The following FCHSD2 variants were observed in gnomAD, a reference collection of about 807,000 sequenced individuals.
FCHSD2 encodes the protein FCH and double SH3 domains 2, also known as F-BAR and double SH3 domains protein 2.
In FCHSD2, 38 loss-of-function variants were observed where a neutral mutation model predicts 108.1. The ratio of observed to expected loss-of-function variants is 0.35; its 90% CI spans 0.27 to 0.46. FCHSD2 has a LOEUF of 0.46. Ranked by LOEUF, FCHSD2 falls within the 20% of genes least tolerant of loss-of-function variation. FCHSD2 has a pLI of 1.00. For synonymous variants in FCHSD2, 279 were observed against 314.7 expected (o/e 0.89, Z 1.20); for missense variants, 751 against 897.8 (o/e 0.84, Z 2.09).
chr11:73,018,165 T>A (rs1285628727), intron 3 of FCHSD2, among the ~76,000 whole-genome samples: 1 of 152,218 alleles, frequency 6.6e-6, no homozygotes, highest in Non-Finnish European at 1.5e-5. Flanking sequence ...CCCCTCCAAG[T>A]TGGCTCCCAT....
chr11:73,092,309 G>T (rs1565406237), intron 2 of FCHSD2, among the ~76,000 whole-genome samples: 1 of 144,296 alleles, frequency 6.9e-6, no homozygotes, highest in African/African-American at 2.5e-5. Context: ...TTAAGTTTTT[G>T]TTTTTTTTTT....
Position 72,959,220 on chromosome 11 carries a change from C to CTTTTTTTTTTTTT in FCHSD2, c.705+24855_705+24867dup. On this transcript the variant is annotated intron_variant, in intron 8 of 19. Coordinates refer to ENST00000409418, the MANE Select transcript of FCHSD2 (RefSeq NM_014824.3). ...TTTTCCACTTCATATATCCAGCAGT[C>CTTTTTTTTTTTTT]TTTTTTTTTTTTTTTTTTTTTTTTT... 7.3e-4 allele frequency among the ~76,000 whole-genome samples: 41 copies of CTTTTTTTTTTTTT among 56,324 alleles called. 13 individuals are homozygous for CTTTTTTTTTTTTT. Among genetic ancestry groups the CTTTTTTTTTTTTT allele is most frequent in the African/African-American group, 2.7e-3 (38 of 14,162 alleles). The allele number at this position is 56,324 out of a possible 152,430, so 37.0% of individuals were successfully genotyped here.
At chr11:72,851,643 T>TGAGGCA (rs1383515331) in intron 13 of FCHSD2, among the ~76,000 whole-genome samples, 8 of 152,162 alleles carry the variant, frequency 5.3e-5, no homozygotes, top group Admixed American at 3.9e-4. Flanking sequence ...CTTGGGAGGC[T>TGAGGCA]GAGGCAGGAG....
rs768396524 is a variant in FCHSD2 at position 72,842,605 on chromosome 11, C to G, written c.1926+16G>C. The G allele has an allele frequency of 6.2e-7, 1 of 1,613,856 alleles. No homozygotes were observed. Among genetic ancestry groups the G allele is most frequent in the Non-Finnish European group, 8.5e-7 (1 of 1,179,820 alleles). On this transcript the variant is annotated intron_variant, in intron 17 of 19. Coordinates refer to ENST00000409418, the MANE Select transcript of FCHSD2 (RefSeq NM_014824.3). ...TTTAAACATCTTTTAATTCAACTGT[C>G]TCCCCTCTCAGGTACCTGAATCTCT...
intron 12 of FCHSD2, among the ~76,000 whole-genome samples, chr11:72,874,605 AAG>A (rs759211731): frequency 6.6e-6 from 1 of 152,246 alleles, no homozygotes; most frequent in Non-Finnish European, 1.5e-5. Context: ...TGAAGCAGAA[AAG>A]AGAGAAGTAT....
chr11:73,131,441 AT>A (rs1457017714), intron 2 of FCHSD2, among the ~76,000 whole-genome samples: 1 of 152,060 alleles, frequency 6.6e-6, no homozygotes, highest in Non-Finnish European at 1.5e-5. Flanking sequence ...AGGCAGGAGA[AT>A]GGCGTGAAAC....
At chr11:72,886,514 C>T (rs893949186) in intron 12 of FCHSD2, among the ~76,000 whole-genome samples, 1 of 152,178 alleles carries the variant, frequency 6.6e-6, no homozygotes, top group Non-Finnish European at 1.5e-5. Flanking sequence ...TTATGCTTTA[C>T]CATCTTAGTG....
chr11:72,904,311 C>T (rs547735822), intron 9 of FCHSD2, among the ~76,000 whole-genome samples: 1 of 152,360 alleles, frequency 6.6e-6, no homozygotes, highest in South Asian at 2.1e-4. Context: ...AGGATCACCT[C>T]TCTAGTTGCC....
chr11:72,988,753 G>T (rs894131558), intron 6 of FCHSD2, among the ~76,000 whole-genome samples: 1 of 152,040 alleles, frequency 6.6e-6, no homozygotes, highest in Admixed American at 6.6e-5. Context: ...GTGAAAAACT[G>T]ACTAATCTAA....
intron 3 of FCHSD2, among the ~76,000 whole-genome samples, chr11:73,038,170 G>C (rs1316243706): frequency 1.3e-5 from 2 of 152,066 alleles, no homozygotes; most frequent in East Asian, 1.9e-4. Flanking sequence ...AAGGAGATCT[G>C]TCTCTATTAA....
intron 12 of FCHSD2, among the ~76,000 whole-genome samples, chr11:72,879,769 C>T (rs904145174): frequency 6.6e-6 from 1 of 151,938 alleles, no homozygotes; most frequent in East Asian, 1.9e-4. Flanking sequence ...TTGCATATGA[C>T]ATGTAGGATA....
intron 3 of FCHSD2, among the ~76,000 whole-genome samples, chr11:73,073,401 C>G (rs141040331): frequency 1.6e-4 from 25 of 152,306 alleles, no homozygotes; most frequent in African/African-American, 5.3e-4. Flanking sequence ...TGAAAAAGTT[C>G]ACTGCTTGAA....
chr11:72,987,896 A>ACTTT (rs1857339471), intron 6 of FCHSD2, among the ~76,000 whole-genome samples: 1 of 152,234 alleles, frequency 6.6e-6, no homozygotes, highest in Admixed American at 6.5e-5. Context: ...CACTGACTCT[A>ACTTT]TAAAAGTACA....
chr11:72,898,580 T>A (rs1855465735), intron 10 of FCHSD2, among the ~76,000 whole-genome samples: 1 of 152,200 alleles, frequency 6.6e-6, no homozygotes, highest in African/African-American at 2.4e-5. Context: ...CCATCATATA[T>A]AAAACTCAAA....
intron 8 of FCHSD2, among the ~76,000 whole-genome samples, chr11:72,936,400 T>C (rs989934871): frequency 2.6e-5 from 4 of 152,240 alleles, no homozygotes; most frequent in African/African-American, 7.2e-5. Flanking sequence ...ATATTTTCTA[T>C]GTACCATTTT....
intron 2 of FCHSD2, among the ~76,000 whole-genome samples, chr11:73,107,405 A>G (rs1316362810): frequency 1.3e-5 from 2 of 152,186 alleles, no homozygotes; most frequent in Non-Finnish European, 2.9e-5. Context: ...AGATGAGGAC[A>G]TGAGATATTT....
chr11:73,136,256 T>C (rs188626890), intron 2 of FCHSD2, among the ~76,000 whole-genome samples: 1 of 152,228 alleles, frequency 6.6e-6, no homozygotes, highest in African/African-American at 2.4e-5. Flanking sequence ...TCTAATGTGC[T>C]GTAGATTTTT....
intron 2 of FCHSD2, among the ~76,000 whole-genome samples, chr11:73,120,352 A>G (rs542040866): frequency 7.2e-5 from 11 of 152,368 alleles, no homozygotes; most frequent in African/African-American, 2.6e-4. Flanking sequence ...TGTACATTTT[A>G]AAAGTCTATT....
chr11:72,865,937 C>T (rs1162265107), intron 13 of FCHSD2, among the ~76,000 whole-genome samples: 1 of 152,184 alleles, frequency 6.6e-6, no homozygotes, highest in African/African-American at 2.4e-5. Context: ...CTTGTAAATT[C>T]TATGAGGAGG....
Sources: allele counts gnomAD v4.1 joint callset (sites outside exome capture counted in the v4.1 genomes callset), GRCh38; gene constraint gnomAD v4.1.1; transcripts MANE v1.5; gene names NCBI Gene and HGNC (gene_info 2026-07-23, HGNC 2026-07-21).